PLPP7: variants seen among roughly 807,000 people sequenced by gnomAD.
PLPP7 encodes the protein phospholipid phosphatase 7 (inactive), also known as inactive phospholipid phosphatase 7.
A neutral mutation model predicts 16.9 loss-of-function variants in PLPP7; 11 were observed. The observed-to-expected ratio is 0.65, with a 90% CI of 0.41 to 1.08. PLPP7 has a LOEUF of 1.08. Ranked by LOEUF, PLPP7 falls within the 50% of genes least tolerant of loss-of-function variation. PLPP7 has a pLI of 0.00. For synonymous variants in PLPP7, 174 were observed against 175.1 expected (o/e 0.99, Z 0.05); for missense variants, 358 against 397.1 (o/e 0.90, Z 0.84).
At position 131,290,729 on chromosome 9, in the gene PLPP7, A is replaced by G. The variant is rs556327230; in HGVS notation, c.451+281A>G. Among the ~76,000 whole-genome samples, 224 of 152,338 alleles carry G rather than the reference A, an allele frequency of 1.5e-3. 5 individuals are homozygous for G. The South Asian group carries it at 0.044, about 30-fold the overall frequency. ...TGCTCAGCAAAAGGCACCGCTGCCC[A>G]GAGGCAGCTTGAAGGGAGGCTGGGC... On this transcript the variant is annotated intron_variant, in intron 1 of 1. Coordinates refer to ENST00000372264, the MANE Select transcript of PLPP7 (RefSeq NM_032728.4). This position sits in a 1 kb window ranked among gnomAD's most constrained non-coding sequence, Gnocchi z 4.2.
At chr9:131,300,611 G>A (rs544951691) in intron 1 of PLPP7, among the ~76,000 whole-genome samples, 2 of 144,280 alleles carry the variant, frequency 1.4e-5, no homozygotes, top group East Asian at 4.4e-4. Flanking sequence ...GAGCCCAAAA[G>A]TTCAAGGCTG....
In PLPP7 at chr9:131,308,295, G is replaced by A. The variant is rs759951185; in HGVS notation, c.*8G>A. On this transcript the variant is annotated 3_prime_UTR_variant, in exon 2 of 2. Transcript: ENST00000372264. ...CTCATCTCTGCCTGGTGAAGCGCCC[G>A]CCGGCCCACACAAGCCTCTGGGGGC... 49 of 1,576,902 alleles carry A rather than the reference G, an allele frequency of 3.1e-5. No homozygotes were observed. Among genetic ancestry groups the A allele is most frequent in the Non-Finnish European group, 4.0e-5 (47 of 1,169,016 alleles).
intron 1 of PLPP7, among the ~76,000 whole-genome samples, chr9:131,297,300 C>A (rs1343768622): frequency 6.6e-6 from 1 of 152,196 alleles, no homozygotes; most frequent in East Asian, 1.9e-4. Context: ...ATAACCAGCG[C>A]CATCAGTCTT....
At chr9:131,301,700 G>A (rs570967380) in intron 1 of PLPP7, among the ~76,000 whole-genome samples, 1 of 152,328 alleles carries the variant, frequency 6.6e-6, no homozygotes, top group African/African-American at 2.4e-5. Flanking sequence ...TGTAATGGCA[G>A]CAGTATGCTG....
rs540230107 is a variant in PLPP7 at position 131,301,901 on chromosome 9, C to T, written c.452-6022C>T. 1.6e-3 allele frequency among the ~76,000 whole-genome samples: 244 copies of T among 151,538 alleles called. 1 individual carries two copies. The highest frequency in any genetic ancestry group is 5.6e-3 in the African/African-American group (233 of 41,248). ...GCGCAATCTTGGCTCACTGCAACCT[C>T]CGCCTCCCGGGTTCAAGTGATTCTC... On this transcript the variant is annotated intron_variant, in intron 1 of 1. Coordinates refer to ENST00000372264, the MANE Select transcript of PLPP7 (RefSeq NM_032728.4).
At chr9:131,292,700 G>A (rs1835693956) in intron 1 of PLPP7, 2 of 639,462 alleles carry the variant, frequency 3.1e-6, no homozygotes, top group South Asian at 7.0e-5. Flanking sequence ...GCTCTAGTAA[G>A]GGGGTGAGCT....
Position 131,308,147 on chromosome 9 carries a change from G to A in PLPP7, c.676G>A (p.Gly226Ser). The stretch of plus-strand genomic sequence containing the variant: ...GCTGGTGCTCTGGGCCCTCTGCGTG[G>A]GCCTGTCCCGCGTGATGATCGGCCG... ...VLLVLWALCV[G>S]LSRVMIGRHH... is the part of the protein sequence containing the mutation. Residue 226 changes from glycine to serine, a missense_variant, in exon 2 of 2, where the codon GGC becomes AGC. By Grantham distance (56) the Gly-to-Ser change is moderately conservative. Coordinates refer to ENST00000372264, the MANE Select transcript of PLPP7 (RefSeq NM_032728.4). 1 of 1,600,742 alleles carries A rather than the reference G, an allele frequency of 6.2e-7. No individual in the cohort carries two copies. Among genetic ancestry groups the A allele is most frequent in the Non-Finnish European group, 8.5e-7 (1 of 1,179,796 alleles).
rs545651222 is a variant in PLPP7 at position 131,298,866 on chromosome 9, G to A, written c.451+8418G>A. Among the ~76,000 whole-genome samples the A allele has an allele frequency of 1.2e-4, 19 of 152,286 alleles. 1 individual carries two copies. Among genetic ancestry groups the A allele is most frequent in the South Asian group, 6.2e-4 (3 of 4,830 alleles). On this transcript the variant is annotated intron_variant, in intron 1 of 1. Transcript: ENST00000372264. Reference sequence around the variant, plus strand: ...GGGTTCTTGTTGCCCTCTGAGGGCCGGGAAGCCTCCAGGACAGCAGGGCCC... The same window carrying A: ...GGGTTCTTGTTGCCCTCTGAGGGCCAGGAAGCCTCCAGGACAGCAGGGCCC...
Position 131,295,253 on chromosome 9 carries a change from A to T in PLPP7, c.451+4805A>T, listed in dbSNP as rs967503277. On this transcript the variant is annotated intron_variant, in intron 1 of 1. Transcript: ENST00000372264. This position sits in a 1 kb window ranked among gnomAD's most constrained non-coding sequence, Gnocchi z 4.0. ...ACAGCAACCTCTGCCTCCCTGGTTC[A>T]AGTGATTCTCCTGCCTCACCCTCCC... is the stretch of plus-strand genomic sequence containing the variant. Among the ~76,000 whole-genome samples, 1 of 151,850 alleles carries T rather than the reference A, an allele frequency of 6.6e-6. No individual in the cohort carries two copies. Among genetic ancestry groups the T allele is most frequent in the South Asian group, 2.1e-4 (1 of 4,818 alleles).
At chr9:131,293,784 G>A (rs1377068718) in intron 1 of PLPP7, among the ~76,000 whole-genome samples, 1 of 152,030 alleles carries the variant, frequency 6.6e-6, no homozygotes, top group Non-Finnish European at 1.5e-5. Flanking sequence ...GGGATGTGAA[G>A]GGAGATGGCA....
intron 1 of PLPP7, among the ~76,000 whole-genome samples, chr9:131,294,965 T>C (rs1008798174): frequency 1.3e-5 from 2 of 151,338 alleles, no homozygotes; most frequent in Non-Finnish European, 2.9e-5. Flanking sequence ...CTTTTTTTTT[T>C]CCTTTGAGAC....
intron 1 of PLPP7, among the ~76,000 whole-genome samples, chr9:131,300,080 A>C (rs960456129): frequency 6.6e-6 from 1 of 152,186 alleles, no homozygotes; most frequent in South Asian, 2.1e-4. Context: ...AAAGAATAGA[A>C]GTGTATTTGG....
rs189466835 is a variant in PLPP7 at position 131,308,606 on chromosome 9, G to A, written c.*319G>A. 5.8e-4 allele frequency: 216 copies of A among 375,006 alleles called. No individual in the cohort carries two copies. The highest frequency in any genetic ancestry group is 2.3e-3 in the Middle Eastern group (3 of 1,304). 23.2% of individuals were successfully genotyped at this position (375,006 alleles called of 1,614,324 possible). A position where few individuals can be genotyped will look rare whatever the true frequency, so the allele number is the denominator to read the frequency against. On this transcript the variant is annotated 3_prime_UTR_variant, in exon 2 of 2. Coordinates refer to ENST00000372264, the MANE Select transcript of PLPP7 (RefSeq NM_032728.4). Reference sequence around the variant, plus strand: ...AGCAAAAATCAGGATGGTGGGAGGGGCCGAGTCTTGTCTTGTCCTTTCATC... The same window carrying A: ...AGCAAAAATCAGGATGGTGGGAGGGACCGAGTCTTGTCTTGTCCTTTCATC...
In PLPP7 at chr9:131,307,413, G is replaced by A. The variant is rs192997703; in HGVS notation, c.452-510G>A. On this transcript the variant is annotated intron_variant, in intron 1 of 1. Coordinates refer to ENST00000372264, the MANE Select transcript of PLPP7 (RefSeq NM_032728.4). ...CTGAAAGTACAAAAATTAGCTGGAC[G>A]TGGTGGTGGGTGCCTGTAATCCCAG... is the stretch of plus-strand genomic sequence containing the variant. 2.8e-4 allele frequency among the ~76,000 whole-genome samples: 42 copies of A among 151,366 alleles called. 1 individual carries two copies. The East Asian group carries it at 6.2e-3, about 22-fold the overall frequency.
chr9:131,307,707 C>G (rs1835869375), intron 1 of PLPP7, among the ~76,000 whole-genome samples: 1 of 152,062 alleles, frequency 6.6e-6, no homozygotes, highest in Admixed American at 6.6e-5. Flanking sequence ...GGGAAGGCTT[C>G]TCCGCTAAAG....
At chr9:131,296,946 A>G (rs1416118707) in intron 1 of PLPP7, among the ~76,000 whole-genome samples, 4 of 152,210 alleles carry the variant, frequency 2.6e-5, no homozygotes, top group African/African-American at 4.8e-5. Context: ...ACTGAGGGGT[A>G]TTTAGGCTGA....
intron 1 of PLPP7, among the ~76,000 whole-genome samples, chr9:131,299,973 AACCAGCCTGAAATAGCC>A (rs1835778641): frequency 6.6e-6 from 1 of 152,224 alleles, no homozygotes; most frequent in Admixed American, 6.5e-5. Context: ...GAAGAGAGGG[AACCAGCCTGAAATAGCC>A]ACAGCTTCCC....
chr9:131,307,015 C>A (rs546994555), intron 1 of PLPP7, among the ~76,000 whole-genome samples: 1 of 151,968 alleles, frequency 6.6e-6, no homozygotes, highest in South Asian at 2.1e-4. Flanking sequence ...GAGGCTGAGG[C>A]GGGCAGGTCA....
chr9:131,298,321 G>T (rs1835757945), intron 1 of PLPP7, among the ~76,000 whole-genome samples: 1 of 152,268 alleles, frequency 6.6e-6, no homozygotes, highest in East Asian at 1.9e-4. Flanking sequence ...CCAGAATGGG[G>T]GATGAGAAGC....
Sources: allele counts gnomAD v4.1 joint callset (sites outside exome capture counted in the v4.1 genomes callset), GRCh38; gene constraint gnomAD v4.1.1; non-coding constraint Gnocchi (gnomAD v3.1); transcripts MANE v1.5; gene names NCBI Gene and HGNC (gene_info 2026-07-23, HGNC 2026-07-21).